PCDH15: variants seen among roughly 807,000 people sequenced by gnomAD.
PCDH15 encodes the protein protocadherin related 15.
In PCDH15, 129 loss-of-function variants were observed where a neutral mutation model predicts 178.5. That is an observed-to-expected ratio of 0.72 (90% CI 0.63 to 0.84). The LOEUF is 0.84. PCDH15 is among the 40% of genes least tolerant of loss of function. The pLI, the probability that PCDH15 is intolerant of heterozygous loss-of-function variation, is 0.00. For missense variants in PCDH15, 2,230 were observed against 2,099.9 expected (o/e 1.06, Z -1.21); for synonymous variants, 800 against 732.0 (o/e 1.09, Z -1.50).
intron 14 of PCDH15, among the ~76,000 whole-genome samples, chr10:54,150,342 C>T (rs114862825): frequency 0.018 from 2,755 of 152,044 alleles, 42 homozygotes; most frequent in South Asian, 0.085. Context: ...ACACACCCTG[C>T]AAAGTTTAGT....
intron 2 of PCDH15, among the ~76,000 whole-genome samples, chr10:55,600,458 C>T (rs1007754733): frequency 3.3e-5 from 5 of 152,080 alleles, no homozygotes; most frequent in African/African-American, 1.2e-4. Context: ...TCAGTTATTA[C>T]ACATTGACCC....
At chr10:55,420,550 G>A (rs1838596562) in intron 2 of PCDH15, among the ~76,000 whole-genome samples, 2 of 151,600 alleles carry the variant, frequency 1.3e-5, no homozygotes, top group Admixed American at 1.3e-4. Flanking sequence ...GAAATCCCAA[G>A]GAATCACTTT....
chr10:55,228,906 G>A (rs1269813789), intron 1 of PCDH15, among the ~76,000 whole-genome samples: 1 of 151,736 alleles, frequency 6.6e-6, no homozygotes, highest in East Asian at 1.9e-4. Context: ...TTTCTTGTTA[G>A]TTTTAATGAT....
intron 3 of PCDH15, among the ~76,000 whole-genome samples, chr10:54,388,125 C>T (rs1356872480): frequency 6.6e-6 from 1 of 152,116 alleles, no homozygotes; most frequent in Non-Finnish European, 1.5e-5. Context: ...ACATCTGTTC[C>T]TCTTGCTTCA....
rs566208542 is a variant in PCDH15 at position 54,008,613 on chromosome 10, A to AT, written c.2751+11578dup. On this transcript the variant is annotated intron_variant, in intron 20 of 37. Transcript: ENST00000644397. ...AAGTCAGAATCTATGAGTGTTTACC[A>AT]TAACTGTCTGTCATCAACCACACCC... Among the ~76,000 whole-genome samples, 400 of 152,276 alleles carry AT rather than the reference A, an allele frequency of 2.6e-3. 1 individual carries two copies. Among genetic ancestry groups the AT allele is most frequent in the Non-Finnish European group, 4.5e-3 (308 of 68,002 alleles).
At chr10:55,307,080 T>C (rs1843446132) in intron 1 of PCDH15, among the ~76,000 whole-genome samples, 1 of 151,920 alleles carries the variant, frequency 6.6e-6, no homozygotes, top group African/African-American at 2.4e-5. Context: ...AAAATACATC[T>C]TAAAATATTT....
intron 1 of PCDH15, among the ~76,000 whole-genome samples, chr10:55,274,222 G>A (rs1015493483): frequency 4.6e-5 from 7 of 152,040 alleles, no homozygotes; most frequent in Non-Finnish European, 8.8e-5. Flanking sequence ...AATACTGATT[G>A]AATAGACCCC....
At chr10:53,969,134 T>G (rs908350823) in intron 21 of PCDH15, among the ~76,000 whole-genome samples, 3 of 152,034 alleles carry the variant, frequency 2.0e-5, no homozygotes, top group Non-Finnish European at 1.5e-5. Flanking sequence ...AATGGCTAAC[T>G]AGAATAAACA....
At chr10:53,879,537 C>T (rs1260763045) in intron 26 of PCDH15, among the ~76,000 whole-genome samples, 3 of 151,864 alleles carry the variant, frequency 2.0e-5, no homozygotes, top group South Asian at 2.1e-4. Flanking sequence ...GAAGGATTTA[C>T]GATGTATACC....
intron 13 of PCDH15, 132 bp from the exon 14 acceptor site, chr10:54,153,425 T>G (rs906884979): frequency 5.9e-6 from 5 of 844,988 alleles, no homozygotes; most frequent in Non-Finnish European, 5.6e-6. Context: ...ATATATACTG[T>G]TTTTTGTTTT....
intron 3 of PCDH15, among the ~76,000 whole-genome samples, chr10:54,893,969 C>T (rs144462779): frequency 2.6e-4 from 40 of 152,126 alleles, no homozygotes; most frequent in African/African-American, 9.1e-4. Context: ...GGAAAAGCAG[C>T]GTTTATACAG....
chr10:54,051,205 G>A (rs924636884), intron 18 of PCDH15, among the ~76,000 whole-genome samples: 1 of 152,194 alleles, frequency 6.6e-6, no homozygotes, highest in Admixed American at 6.5e-5. Flanking sequence ...TTGCTGTAAA[G>A]ATGCCTGAAA....
chr10:55,075,100 C>T (rs1454248836), intron 2 of PCDH15, among the ~76,000 whole-genome samples: 3 of 152,044 alleles, frequency 2.0e-5, no homozygotes, highest in Non-Finnish European at 4.4e-5. Context: ...CAGTACCATG[C>T]TGTTTTGGTT....
intron 3 of PCDH15, among the ~76,000 whole-genome samples, chr10:54,833,626 C>G (rs1167907858): frequency 6.6e-6 from 1 of 152,156 alleles, no homozygotes. Flanking sequence ...ACAGCCCTCA[C>G]AGTCATGTAA....
At chr10:54,127,664 T>C (rs919395603) in intron 15 of PCDH15, among the ~76,000 whole-genome samples, 2 of 152,158 alleles carry the variant, frequency 1.3e-5, no homozygotes, top group African/African-American at 4.8e-5. Context: ...TCCAAATCTT[T>C]TCCTTTTTCT....
intron 21 of PCDH15, chr10:53,994,442 GC>G (rs2091720804): frequency 1.3e-5 from 2 of 151,990 alleles, no homozygotes; most frequent in Admixed American, 1.3e-4. Flanking sequence ...TTTCTTGAGA[GC>G]AAAAACTGGT....
At chr10:54,460,013 T>C (rs540448673) in intron 3 of PCDH15, among the ~76,000 whole-genome samples, 6 of 152,222 alleles carry the variant, frequency 3.9e-5, no homozygotes, top group African/African-American at 1.4e-4. Context: ...TTTTTCAAAA[T>C]AAAAACATAC....
intron 2 of PCDH15, among the ~76,000 whole-genome samples, chr10:54,536,798 G>C (rs2084581304): frequency 6.6e-6 from 1 of 152,046 alleles, no homozygotes; most frequent in South Asian, 2.1e-4. Flanking sequence ...GCCTATAACT[G>C]CATCCGTGTG....
intron 6 of PCDH15, among the ~76,000 whole-genome samples, chr10:54,331,649 T>C (rs1485878462): frequency 3.3e-5 from 5 of 152,008 alleles, no homozygotes; most frequent in Admixed American, 3.3e-4. Flanking sequence ...TATCCTAATG[T>C]GTTGTTATGA....
Sources: allele counts gnomAD v4.1 joint callset (sites outside exome capture counted in the v4.1 genomes callset), GRCh38; gene constraint gnomAD v4.1.1; transcripts MANE v1.5; gene names NCBI Gene and HGNC (gene_info 2026-07-23, HGNC 2026-07-21).